The following ZNF274 variants were observed in gnomAD, a reference collection of about 807,000 sequenced individuals.
The protein encoded by ZNF274 is zinc finger protein 274.
A neutral mutation model predicts 42.5 loss-of-function variants in ZNF274; 23 were observed. The observed-to-expected ratio is 0.54, with a 90% CI of 0.39 to 0.77. The LOEUF (loss-of-function observed/expected upper bound fraction) is 0.77. Ranked by LOEUF, ZNF274 falls within the 30% of genes least tolerant of loss-of-function variation. ZNF274 has a pLI of 0.00. For missense variants in ZNF274, 679 were observed against 806.5 expected, an observed-to-expected ratio of 0.84 and a Z score of 1.91; for synonymous variants, 292 against 305.4, an observed-to-expected ratio of 0.96 and a Z score of 0.46.
chr19:58,186,862 G>C, intron 3 of ZNF274, 85 bp from the exon 4 acceptor site: 1 of 1,160,736 alleles, frequency 8.6e-7, no homozygotes, highest in South Asian at 1.4e-5. Flanking sequence ...CAGGGGAGAA[G>C]CTGGAGACGG....
At chr19:58,202,426 AG>A (rs1394506671) in intron 4 of ZNF274, 1 of 152,260 alleles carries the variant, frequency 6.6e-6, no homozygotes, top group Non-Finnish European at 1.5e-5. Flanking sequence ...GAAGAAACTC[AG>A]GCTCAAGAAG....
chr19:58,210,739 A>C (rs1162357961), intron 6 of ZNF274: 2 of 151,858 alleles, frequency 1.3e-5, no homozygotes, highest in Middle Eastern at 3.1e-3. Context: ...TTTGAGATGG[A>C]GTTTCACTCT....
rs1015742541 is a variant in ZNF274, at chr19:58,207,600, G to A, written c.739+398G>A. On this transcript the variant is annotated intron_variant, in intron 5 of 7. Transcript: ENST00000617501. The surrounding 1 kb of genome is among the most constrained non-coding windows in gnomAD (Gnocchi z 5.6). ...ACTATGAGGAGCTCGAGGTGATGGT[G>A]AGGCTTATGAAGGTCTGCAGCTGAC... 1.3e-5 allele frequency among the ~76,000 whole-genome samples: 2 copies of A among 152,182 alleles called. No individual in the cohort carries two copies. Among genetic ancestry groups the A allele is most frequent in the South Asian group, 4.2e-4 (2 of 4,816 alleles).
intron 4 of ZNF274, among the ~76,000 whole-genome samples, chr19:58,202,656 C>A (rs2075927033): frequency 6.6e-6 from 1 of 152,182 alleles, no homozygotes; most frequent in Non-Finnish European, 1.5e-5. Context: ...GAATGAGAAT[C>A]CAGTTCCACC....
chr19:58,206,017 C>G (rs1362679310), intron 4 of ZNF274, among the ~76,000 whole-genome samples: 1 of 152,190 alleles, frequency 6.6e-6, no homozygotes, highest in African/African-American at 2.4e-5. Context: ...ACAGCTGTCA[C>G]TACTGTCTAA....
intron 4 of ZNF274, among the ~76,000 whole-genome samples, chr19:58,191,245 C>T (rs934034427): frequency 6.6e-6 from 1 of 152,216 alleles, no homozygotes; most frequent in African/African-American, 2.4e-5. Context: ...TCAAGTGATT[C>T]TCCTGCCTCA....
rs1387563410 is a variant in ZNF274, at chr19:58,211,548, G to A, written c.853-12G>A. On this transcript the variant is annotated splice_polypyrimidine_tract_variant and intron_variant, in intron 6 of 7. Transcript: ENST00000617501. The surrounding 1 kb of genome is among the most constrained non-coding windows in gnomAD (Gnocchi z 4.8). ...CCTCTTGCTGAGCATAGACACATAT[G>A]TGATGTTACAGGAGCCAGTGACCTT... 4 of 1,609,968 alleles carry A rather than the reference G, an allele frequency of 2.5e-6. No homozygotes were observed. The African/African-American group carries it at 4.0e-5, about 16-fold the overall frequency.
At chr19:58,188,676 GTATATATATATGTATATGTATA>G (rs1430190615) in intron 4 of ZNF274, among the ~76,000 whole-genome samples, 3 of 79,748 alleles carry the variant, frequency 3.8e-5, no homozygotes, top group East Asian at 6.1e-4. Context: ...GTGTGTGTGT[GTATATATATATGTATATGTATA>G]TATATATATA....
chr19:58,189,071 A>G (rs1416695871), intron 4 of ZNF274, among the ~76,000 whole-genome samples: 2 of 152,096 alleles, frequency 1.3e-5, no homozygotes, highest in South Asian at 2.1e-4. Flanking sequence ...GACATATTTT[A>G]TAAATCTATG....
In ZNF274 at chr19:58,196,156, T is replaced by C. The variant is rs1046442483; in HGVS notation, c.256+9114T>C. On this transcript the variant is annotated intron_variant, in intron 4 of 7. Transcript: ENST00000617501. ...TGGCTCTTGGGTGGAATACTTGAGA[T>C]GTAAACTATTACAGATTTAGTCATT... Among the ~76,000 whole-genome samples, 34 of 152,220 alleles carry C rather than the reference T, an allele frequency of 2.2e-4. 1 individual carries two copies. Among genetic ancestry groups the C allele is most frequent in the African/African-American group, 8.0e-4 (33 of 41,466 alleles).
Position 58,187,010 on chromosome 19 carries a change from T to C in ZNF274, c.224T>C (p.Val75Ala). ...QLEEAEDFWP[V>A]ERGIPQDTIP... ...GAGGAGGCAGAAGATTTCTGGCCAG[T>C]GGAGAGAGGAATTCCTCAAGACACC... Residue 75 changes from valine (V) to alanine (A), a missense_variant, in exon 4 of 8, where the codon GTG becomes GCG. Val to Ala is a moderately conservative substitution (Grantham distance 64). Around this residue, in one of 2 missense-constraint regions of ZNF274, gnomAD observed 223 missense variants for 216.4 expected, o/e 1.03. Coordinates refer to ENST00000617501, the MANE Select transcript of ZNF274 (RefSeq NM_133502.3). 1 of 1,613,140 alleles carries C rather than the reference T, an allele frequency of 6.2e-7. No homozygotes were observed. Among genetic ancestry groups the C allele is most frequent in the Non-Finnish European group, 8.5e-7 (1 of 1,179,616 alleles).
rs369752753 is a variant in ZNF274, at chr19:58,185,856, G to A, written c.160+18G>A. On this transcript the variant is annotated intron_variant, in intron 3 of 7. Transcript: ENST00000617501. ...CTCAGTGGGTAAGGCTGGCCTCCAGGTCAAGAAGGATCTGTGCTTTGTAGC... is the reference window on the plus strand; with the variant it reads ...CTCAGTGGGTAAGGCTGGCCTCCAGATCAAGAAGGATCTGTGCTTTGTAGC... 6.6e-6 allele frequency: 9 copies of A among 1,356,870 alleles called. No individual in the cohort carries two copies. The highest frequency in any genetic ancestry group is 8.6e-6 in the Non-Finnish European group (9 of 1,043,644). 84.1% of individuals were successfully genotyped at this position (1,356,870 alleles called of 1,614,324 possible).
Position 58,212,055 on chromosome 19 carries a change from GA to G in ZNF274, c.980-96del, listed in dbSNP as rs922844861. The G allele has an allele frequency of 1.1e-3, 1,485 of 1,301,998 alleles. No individual in the cohort carries two copies. The highest frequency in any genetic ancestry group is 1.3e-3 in the Non-Finnish European group (1,277 of 970,574). The allele number at this position is 1,301,998 out of a possible 1,614,324, so 80.7% of individuals were successfully genotyped here. ...CCAGGTTGCATGACTCTATTTGGGA[GA>G]AAAAAAAAATCCTGACTTTTGAACT... On this transcript the variant is annotated intron_variant, in intron 7 of 7. Transcript: ENST00000617501. This position sits in a 1 kb window ranked among gnomAD's most constrained non-coding sequence, Gnocchi z 4.6.
chr19:58,190,731 G>A (rs1029519221), intron 4 of ZNF274, among the ~76,000 whole-genome samples: 11 of 152,154 alleles, frequency 7.2e-5, no homozygotes, highest in Non-Finnish European at 1.6e-4. Context: ...TTCTTTGTGT[G>A]TTTGCTTGGT....
intron 4 of ZNF274, among the ~76,000 whole-genome samples, chr19:58,190,181 C>T (rs2075763737): frequency 6.8e-6 from 1 of 147,678 alleles, no homozygotes; most frequent in Admixed American, 6.8e-5. Context: ...GATGGAGTCT[C>T]CCTCTGCCAC....
rs754069499 is a variant in ZNF274 at position 58,185,810 on chromosome 19, G to C, written c.132G>C (p.Leu44=). 3 of 1,418,336 alleles carry C rather than the reference G, an allele frequency of 2.1e-6. No homozygotes were observed. Among genetic ancestry groups the C allele is most frequent in the Non-Finnish European group, 2.8e-6 (3 of 1,076,344 alleles). 87.9% of individuals were successfully genotyped at this position (1,418,336 alleles called of 1,614,324 possible). Reference sequence around the variant, plus strand: ...AGTCCCTGTACAGGGAAGTGATGCTGGAGAACTACAGGAACCTGGTCTCAG... The same window carrying C: ...AGTCCCTGTACAGGGAAGTGATGCTCGAGAACTACAGGAACCTGGTCTCAG... ...KQKSLYREVM[L]ENYRNLVSVE... The change falls in exon 3 of 8, where the codon CTG becomes CTC. Residue 44 remains leucine (L), a synonymous_variant. Coordinates refer to ENST00000617501, the MANE Select transcript of ZNF274 (RefSeq NM_133502.3).
chr19:58,211,638 G>A lies in ZNF274; in HGVS notation c.931G>A (p.Glu311Lys), dbSNP rs746804717. 29 of 1,613,928 alleles carry A rather than the reference G, an allele frequency of 1.8e-5. No individual in the cohort carries two copies. The highest frequency in any genetic ancestry group is 8.8e-5 in the South Asian group (8 of 91,062). The change falls in exon 7 of 8, where the codon GAG (glutamate) becomes AAG (lysine). Residue 311 changes from glutamate to lysine, a missense_variant. This residue lies in a region of ZNF274 where 456 missense variants were observed against 590.1 expected (regional missense o/e 0.77). Transcript: ENST00000617501. The surrounding 1 kb of genome is among the most constrained non-coding windows in gnomAD (Gnocchi z 4.8). ...WGLLGPTQRTEYRDVMLETFG... is the reference protein window; with the variant it reads ...WGLLGPTQRTKYRDVMLETFG... ...GCTGCTGGGCCCGACACAGAGGACC[G>A]AGTACCGCGATGTGATGCTGGAGAC...
chr19:58,205,260 G>C (rs187397739), intron 4 of ZNF274, among the ~76,000 whole-genome samples: 1 of 152,158 alleles, frequency 6.6e-6, no homozygotes, highest in South Asian at 2.1e-4. Flanking sequence ...TGAAATTGCA[G>C]GTTTGCTCTT....
intron 4 of ZNF274, among the ~76,000 whole-genome samples, chr19:58,198,193 G>C (rs1176327437): frequency 1.3e-5 from 2 of 152,174 alleles, no homozygotes; most frequent in Non-Finnish European, 2.9e-5. Flanking sequence ...TGGATAGGCA[G>C]AATGCCAAAA....
Sources: allele counts gnomAD v4.1 joint callset (sites outside exome capture counted in the v4.1 genomes callset), GRCh38; gene constraint gnomAD v4.1.1; regional missense constraint gnomAD v4.1.1; non-coding constraint Gnocchi (gnomAD v3.1); transcripts MANE v1.5; gene names NCBI Gene and HGNC (gene_info 2026-07-23, HGNC 2026-07-21).